The following CRISPLD2 variants were observed in gnomAD, a reference collection of about 807,000 sequenced individuals.
CRISPLD2 encodes cysteine-rich secretory protein LCCL domain-containing 2.
A neutral mutation model predicts 71.1 loss-of-function variants in CRISPLD2; 47 were observed. The ratio of observed to expected loss-of-function variants is 0.66; its 90% CI spans 0.52 to 0.84. The LOEUF (loss-of-function observed/expected upper bound fraction) is 0.84. Among genes scored for constraint, CRISPLD2 ranks in the 40% least tolerant of loss-of-function variants. The probability of loss-of-function intolerance (pLI) is 0.00; values close to 1 mark genes in which losing one functional copy is unlikely to be tolerated. For missense variants in CRISPLD2, 830 were observed against 651.1 expected (o/e 1.27, Z -2.99); for synonymous variants, 317 against 250.1 (o/e 1.27, Z -2.52).
intron 2 of CRISPLD2, 42 bp downstream of exon 2, chr16:84,838,777 G>A: frequency 6.3e-7 from 1 of 1,579,082 alleles, no homozygotes; most frequent in South Asian, 1.1e-5. Flanking sequence ...ACCGGGGGTG[G>A]GGCCTGGGCC....
At position 84,906,053 on chromosome 16, in the gene CRISPLD2, ACTC is replaced by A. The variant is rs200599801; in HGVS notation, c.1440-531_1440-529del. 3.0e-4 allele frequency among the ~76,000 whole-genome samples: 45 copies of A among 151,962 alleles called. No homozygotes were observed. The East Asian group carries it at 8.3e-3, about 28-fold the overall frequency. On this transcript the variant is annotated intron_variant, in intron 14 of 14. Coordinates refer to ENST00000262424, the MANE Select transcript of CRISPLD2 (RefSeq NM_031476.4). Reference sequence around the variant, plus strand: ...CATCTTTGATTAGCTGAAGGATTTAACTCCTCTTGTGAGAGGGCAGTTTTTACT... The same window carrying A: ...CATCTTTGATTAGCTGAAGGATTTAACTCTTGTGAGAGGGCAGTTTTTACT...
intron 1 of CRISPLD2, among the ~76,000 whole-genome samples, chr16:84,833,725 G>T (rs903707188): frequency 6.6e-6 from 1 of 152,080 alleles, no homozygotes; most frequent in South Asian, 2.1e-4. Context: ...CGATGGTGGT[G>T]GGGGGGCGTG....
At chr16:84,838,970 C>T (rs774777039) in intron 2 of CRISPLD2, 51 of 668,192 alleles carry the variant, frequency 7.6e-5, no homozygotes, top group African/African-American at 5.7e-4. Context: ...TGCCCTGAAA[C>T]CTTAGACTCC....
At chr16:84,871,879 A>G (rs1346866519) in intron 8 of CRISPLD2, among the ~76,000 whole-genome samples, 2,376 of 100,008 alleles carry the variant, frequency 0.024, 113 homozygotes, top group African/African-American at 0.069. Flanking sequence ...AGAAAAAAAA[A>G]AAAAAAAAAA....
intron 14 of CRISPLD2, among the ~76,000 whole-genome samples, chr16:84,894,221 C>T (rs778923197): frequency 2.6e-5 from 4 of 152,292 alleles, no homozygotes; most frequent in Middle Eastern, 3.4e-3. Flanking sequence ...AAAGAAAAGA[C>T]ATCAGGAAGA....
chr16:84,896,602 A>G (rs1253168447), intron 14 of CRISPLD2, among the ~76,000 whole-genome samples: 1 of 152,146 alleles, frequency 6.6e-6, no homozygotes, highest in African/African-American at 2.4e-5. Flanking sequence ...CTGTGGGCTA[A>G]GGTCAGTGTC....
intron 1 of CRISPLD2, among the ~76,000 whole-genome samples, chr16:84,834,919 GC>G (rs1320559989): frequency 6.6e-6 from 1 of 151,932 alleles, no homozygotes; most frequent in East Asian, 1.9e-4. Context: ...CTCCGCAAAG[GC>G]CCCGTCTCCA....
intron 13 of CRISPLD2, among the ~76,000 whole-genome samples, chr16:84,887,459 C>G (rs1256061899): frequency 6.6e-6 from 1 of 152,232 alleles, no homozygotes; most frequent in African/African-American, 2.4e-5. Context: ...ACGGGTCCAG[C>G]TTTTCATCTT....
chr16:84,855,850 C>G (rs138730977), intron 6 of CRISPLD2, among the ~76,000 whole-genome samples: 96 of 152,308 alleles, frequency 6.3e-4, no homozygotes, highest in African/African-American at 2.0e-3. Flanking sequence ...AATACTATGA[C>G]ATAAAGTTAA....
Position 84,867,265 on chromosome 16 carries a change from T to A in CRISPLD2, c.853+225T>A, listed in dbSNP as rs141525531. On this transcript the variant is annotated intron_variant, in intron 7 of 14. Coordinates refer to ENST00000262424, the MANE Select transcript of CRISPLD2 (RefSeq NM_031476.4). ...TTATAGGACTTGTGCTTGGGTGGCA[T>A]TTTCCCCACACCCAGGCAGGTATTT... 3.8e-3 allele frequency among the ~76,000 whole-genome samples: 584 copies of A among 152,318 alleles called. 2 individuals carry two copies. The highest frequency in any genetic ancestry group is 0.01 in the Admixed American group (153 of 15,300).
At position 84,837,248 on chromosome 16, in the gene CRISPLD2, G is replaced by A. The variant is rs77340977; in HGVS notation, c.-74-1174G>A. ...GCCAGGAGGAGGAGGTCTGTGGTTC[G>A]TGACCCTATAATGGAGGGGAGGTAG... On this transcript the variant is annotated intron_variant, in intron 1 of 14. Transcript: ENST00000262424. 9.3e-3 allele frequency among the ~76,000 whole-genome samples: 1,410 copies of A among 152,260 alleles called. 24 individuals carry two copies. The highest frequency in any genetic ancestry group is 0.033 in the African/African-American group (1,359 of 41,558).
intron 1 of CRISPLD2, among the ~76,000 whole-genome samples, chr16:84,825,966 A>G (rs1195177972): frequency 6.6e-6 from 1 of 152,090 alleles, no homozygotes; most frequent in Admixed American, 6.5e-5. Context: ...CAAAAAAAAA[A>G]AAGTGGGTTC....
intron 14 of CRISPLD2, among the ~76,000 whole-genome samples, chr16:84,894,849 G>A (rs189868386): frequency 6.6e-6 from 1 of 152,168 alleles, no homozygotes; most frequent in East Asian, 1.9e-4. Flanking sequence ...CACGGCTGGT[G>A]GCTACTGTAT....
At chr16:84,857,714 G>A (rs1370126170) in intron 6 of CRISPLD2, among the ~76,000 whole-genome samples, 1 of 152,190 alleles carries the variant, frequency 6.6e-6, no homozygotes, top group African/African-American at 2.4e-5. Flanking sequence ...CCAGGCCCTA[G>A]TCTTTTTTCA....
Position 84,873,056 on chromosome 16 carries a change from A to G in CRISPLD2, c.1046A>G (p.Asp349Gly). ...CTGGATGACAAGGGAGGCCTGGTGG[A>G]TATCACCAGGAACGGGAAGGTCCCC... Reference protein sequence around the residue: ...GILDDKGGLVDITRNGKVPFF... With the variant: ...GILDDKGGLVGITRNGKVPFF... The change falls in exon 10 of 15, where the codon GAT (aspartate) becomes GGT (glycine). Residue 349 changes from aspartate to glycine, a missense_variant. Coordinates refer to ENST00000262424, the MANE Select transcript of CRISPLD2 (RefSeq NM_031476.4). The G allele has an allele frequency of 6.2e-7, 1 of 1,613,904 alleles. No individual in the cohort carries two copies.
In CRISPLD2 at chr16:84,880,640, A is replaced by G. The variant is rs543325551; in HGVS notation, c.1305+56A>G. The G allele has an allele frequency of 3.8e-5, 51 of 1,345,382 alleles. No homozygotes were observed. The East Asian group carries it at 1.1e-3, about 29-fold the overall frequency. 83.3% of individuals were successfully genotyped at this position (1,345,382 alleles called of 1,614,324 possible). A position where few individuals can be genotyped will look rare whatever the true frequency, so the allele number is the denominator to read the frequency against. On this transcript the variant is annotated intron_variant, in intron 13 of 14. Coordinates refer to ENST00000262424, the MANE Select transcript of CRISPLD2 (RefSeq NM_031476.4). ...CGCAAAGCCTGTTAAAGACCTCAAC[A>G]TGCAAGCTCCAAGATCTGGATACTT...
At chr16:84,906,513 C>G in intron 14 of CRISPLD2, 75 bp from the exon 15 acceptor site, 1 of 1,525,428 alleles carries the variant, frequency 6.6e-7, no homozygotes, top group Non-Finnish European at 9.0e-7. Context: ...ACCCAGGTCT[C>G]CCTGCCCACC....
At chr16:84,830,197 C>T (rs1464746504) in intron 1 of CRISPLD2, among the ~76,000 whole-genome samples, 1 of 152,156 alleles carries the variant, frequency 6.6e-6, no homozygotes, top group East Asian at 1.9e-4. Flanking sequence ...TGTTGCACAC[C>T]TGTAGTCCCA....
At chr16:84,891,548 G>T (rs1450216563) in intron 14 of CRISPLD2, among the ~76,000 whole-genome samples, 1 of 152,232 alleles carries the variant, frequency 6.6e-6, no homozygotes, top group Admixed American at 6.5e-5. Flanking sequence ...AAATGAAGCA[G>T]CTGATTAGGA....
Sources: allele counts gnomAD v4.1 joint callset (sites outside exome capture counted in the v4.1 genomes callset), GRCh38; gene constraint gnomAD v4.1.1; transcripts MANE v1.5; gene names NCBI Gene and HGNC (gene_info 2026-07-23, HGNC 2026-07-21).